NOL4: variants seen among roughly 807,000 people sequenced by gnomAD.
NOL4 encodes the protein cancer/testis antigen 125.
A neutral mutation model predicts 75.9 loss-of-function variants in NOL4; 17 were observed. The observed-to-expected ratio is 0.22, with a 90% confidence interval of 0.15 to 0.34. NOL4 has a LOEUF of 0.34. Ranked by LOEUF, NOL4 falls within the 10% of genes least tolerant of loss-of-function variation. The pLI, the probability that NOL4 is intolerant of heterozygous loss-of-function variation, is 1.00. For missense variants in NOL4, 614 were observed against 793.5 expected, an observed-to-expected ratio of 0.77 and a Z score of 2.72; for synonymous variants, 292 against 289.9, an observed-to-expected ratio of 1.01 and a Z score of -0.07.
chr18:34,002,149 C>G (rs2073757104), intron 6 of NOL4, among the ~76,000 whole-genome samples: 1 of 152,086 alleles, frequency 6.6e-6, no homozygotes, highest in African/African-American at 2.4e-5. Flanking sequence ...AGTTTTAAAA[C>G]TAAAATCTTA....
chr18:33,900,592 T>G (rs1316932769), intron 9 of NOL4, among the ~76,000 whole-genome samples: 1 of 152,108 alleles, frequency 6.6e-6, no homozygotes. Context: ...ATGTAAACAT[T>G]GAAAATTCAT....
chr18:34,136,317 C>T (rs2080890000), intron 1 of NOL4, among the ~76,000 whole-genome samples: 1 of 152,130 alleles, frequency 6.6e-6, no homozygotes, highest in Admixed American at 6.5e-5. Flanking sequence ...ATCTATTTAA[C>T]ATCATACTGG....
chr18:33,984,629 C>T (rs181561574), intron 6 of NOL4, among the ~76,000 whole-genome samples: 185 of 152,180 alleles, frequency 1.2e-3, no homozygotes, highest in African/African-American at 4.3e-3. Flanking sequence ...CCATGTAAGA[C>T]GTCTGCTCCC....
At chr18:34,061,842 C>A (rs2077075356) in intron 5 of NOL4, among the ~76,000 whole-genome samples, 1 of 151,952 alleles carries the variant, frequency 6.6e-6, no homozygotes, top group Admixed American at 6.6e-5. Flanking sequence ...TATTGTATTT[C>A]TTTTAATATC....
intron 10 of NOL4, among the ~76,000 whole-genome samples, chr18:33,864,430 C>A (rs1159286171): frequency 6.6e-6 from 1 of 152,128 alleles, no homozygotes; most frequent in African/African-American, 2.4e-5. Flanking sequence ...CAAATTGCCA[C>A]CAGCATAGCA....
chr18:34,180,530 A>G (rs1214395834), intron 1 of NOL4, among the ~76,000 whole-genome samples: 1 of 151,594 alleles, frequency 6.6e-6, no homozygotes, highest in East Asian at 1.9e-4. Context: ...AACATTAAGC[A>G]TAATATCCCC....
chr18:33,938,325 T>G (rs2068206158), intron 9 of NOL4, among the ~76,000 whole-genome samples: 1 of 152,124 alleles, frequency 6.6e-6, no homozygotes, highest in South Asian at 2.1e-4. Context: ...AAAAAAATTA[T>G]TTCTTCATTA....
At chr18:33,984,290 A>G (rs1050527511) in intron 6 of NOL4, among the ~76,000 whole-genome samples, 2 of 152,134 alleles carry the variant, frequency 1.3e-5, no homozygotes, top group African/African-American at 2.4e-5. Context: ...TCAAATATAC[A>G]GTGAAATATA....
At chr18:34,022,014 G>C (rs1021825654) in intron 5 of NOL4, among the ~76,000 whole-genome samples, 3 of 151,894 alleles carry the variant, frequency 2.0e-5, no homozygotes, top group African/African-American at 7.3e-5. Flanking sequence ...TGAGGCAGGA[G>C]AATCGCTTGA....
At chr18:34,104,538 G>A (rs887114802) in intron 3 of NOL4, among the ~76,000 whole-genome samples, 1 of 151,710 alleles carries the variant, frequency 6.6e-6, no homozygotes, top group African/African-American at 2.4e-5. Flanking sequence ...TTTAACCTTC[G>A]AGACACAGGA....
intron 5 of NOL4, among the ~76,000 whole-genome samples, chr18:34,049,339 A>G (rs1310755970): frequency 6.6e-6 from 1 of 151,970 alleles, no homozygotes; most frequent in Non-Finnish European, 1.5e-5. Flanking sequence ...ACATTGTAGG[A>G]GGGCAGATTT....
intron 9 of NOL4, among the ~76,000 whole-genome samples, chr18:33,883,832 T>C (rs1340823905): frequency 6.6e-6 from 1 of 152,150 alleles, no homozygotes; most frequent in African/African-American, 2.4e-5. Context: ...TTAAGGACAT[T>C]GTGCAAAGTG....
At chr18:33,898,889 G>A (rs952787316) in intron 9 of NOL4, among the ~76,000 whole-genome samples, 4 of 151,996 alleles carry the variant, frequency 2.6e-5, no homozygotes, top group African/African-American at 7.2e-5. Context: ...CTGCCCTTAT[G>A]GCACTCTACA....
chr18:34,148,340 T>C (rs1416192436), intron 1 of NOL4, among the ~76,000 whole-genome samples: 2 of 152,122 alleles, frequency 1.3e-5, no homozygotes, highest in Non-Finnish European at 2.9e-5. Flanking sequence ...AGCTTTCTGC[T>C]GTGGGCATTT....
rs754365704 is a variant in NOL4, at chr18:34,104,026, ATGTAGATGTTT to A, written c.639+10_639+20del. 1 of 1,503,528 alleles carries A rather than the reference ATGTAGATGTTT, an allele frequency of 6.7e-7. No homozygotes were observed. The highest frequency in any genetic ancestry group is 9.3e-7 in the Non-Finnish European group (1 of 1,080,336). 93.1% of individuals were successfully genotyped at this position (1,503,528 alleles called of 1,614,324 possible). On this transcript the variant is annotated intron_variant, in intron 4 of 10. Coordinates refer to ENST00000261592, the MANE Select transcript of NOL4 (RefSeq NM_003787.5). ...TCGTTCCAATTTGTAAGTAATACAAATGTAGATGTTTTTATTTTACCTCATCTTGCTGTGAG... is the reference window on the plus strand; with the variant it reads ...TCGTTCCAATTTGTAAGTAATACAAATTATTTTACCTCATCTTGCTGTGAG...
chr18:33,872,746 A>G (rs1361838860), intron 10 of NOL4, among the ~76,000 whole-genome samples: 1 of 152,072 alleles, frequency 6.6e-6, no homozygotes, highest in African/African-American at 2.4e-5. Flanking sequence ...AATTTTGTTT[A>G]ATTTCAATAG....
chr18:33,965,703 T>A (rs1041814545), intron 6 of NOL4, among the ~76,000 whole-genome samples: 1 of 152,182 alleles, frequency 6.6e-6, no homozygotes, highest in Non-Finnish European at 1.5e-5. Flanking sequence ...TGCTGCCATG[T>A]GAAGAAGGAT....
At chr18:34,192,410 T>C (rs2034986904) in intron 1 of NOL4, among the ~76,000 whole-genome samples, 1 of 152,044 alleles carries the variant, frequency 6.6e-6, no homozygotes, top group South Asian at 2.1e-4. Flanking sequence ...GCCAAAGCAA[T>C]CTTGAGCAAA....
chr18:34,210,512 C>G (rs1404649523), intron 1 of NOL4, among the ~76,000 whole-genome samples: 26 of 152,204 alleles, frequency 1.7e-4, no homozygotes, highest in Admixed American at 1.7e-3. Context: ...ATGCCTGCAA[C>G]TCTACTGTAT....
Sources: gnomAD v4.1 joint callset for allele counts (sites outside exome capture counted in the v4.1 genomes callset) on GRCh38, gnomAD v4.1.1 for gene constraint, MANE v1.5 for transcripts, NCBI Gene and HGNC (gene_info 2026-07-23, HGNC 2026-07-21) for gene names.